SPOCD1: variants seen among roughly 807,000 people sequenced by gnomAD.
SPOCD1 encodes the protein SPOC domain containing 1.
Under a neutral mutation model 92.2 loss-of-function variants are expected in SPOCD1, and 64 were observed. The observed-to-expected ratio is 0.69, with a 90% CI of 0.57 to 0.86. The LOEUF (loss-of-function observed/expected upper bound fraction) is 0.86, where lower values mean the gene tolerates loss of function less well. SPOCD1 is among the 40% of genes least tolerant of loss of function. The pLI, the probability that SPOCD1 is intolerant of heterozygous loss-of-function variation, is 0.00. For synonymous variants in SPOCD1, 578 were observed against 619.3 expected, an observed-to-expected ratio of 0.93 and a Z score of 0.99; for missense variants, 1,360 against 1,543.1, an observed-to-expected ratio of 0.88 and a Z score of 1.99.
At chr1:31,799,139 C>T (rs1376733337) in intron 7 of SPOCD1, among the ~76,000 whole-genome samples, 3 of 152,160 alleles carry the variant, frequency 2.0e-5, no homozygotes, top group Admixed American at 6.5e-5. Flanking sequence ...GCATTTGCTG[C>T]GGGTGACATT....
chr1:31,800,305 G>T, intron 4 of SPOCD1, 136 bp downstream of exon 4: 1 of 1,420,762 alleles, frequency 7.0e-7, no homozygotes, highest in South Asian at 1.4e-5. Context: ...GCAGGCTGGG[G>T]CCGAACCCTG....
Position 31,800,564 on chromosome 1 carries a change from T to G in SPOCD1, c.1479A>C (p.Ala493=). ...QLLGAISHGQ[A]GGQLPPKLEV... The stretch of plus-strand genomic sequence containing the variant: ...CCAGCTTTGGTGGCAGCTGCCCCCC[T>G]GCCTGGCCGTGGCTGATGGCCCCCA... Residue 493 remains alanine, a synonymous_variant, in exon 4 of 16, where the codon GCA becomes GCC. Transcript: ENST00000360482. 3 of 1,610,466 alleles carry G rather than the reference T, an allele frequency of 1.9e-6. No individual in the cohort carries two copies. Among genetic ancestry groups the G allele is most frequent in the East Asian group, 2.2e-5 (1 of 44,814 alleles).
chr1:31,814,011 GCTT>G lies in SPOCD1; in HGVS notation c.1320_1322del (p.Arg440del), dbSNP rs1649367501. The G allele has an allele frequency of 6.2e-7, 1 of 1,606,264 alleles. No individual in the cohort carries two copies. Among genetic ancestry groups the G allele is most frequent in the East Asian group, 2.2e-5 (1 of 44,722 alleles). On this transcript the variant is annotated inframe_deletion, in exon 2 of 16. Coordinates refer to ENST00000360482, the MANE Select transcript of SPOCD1 (RefSeq NM_144569.7). The surrounding 1 kb of genome is among the most constrained non-coding windows in gnomAD (Gnocchi z 4.2). ...GCCTGTCCTGGTGGGAGTTGTCTGA[GCTT>G]CTGTCTGTGCCCCGGTCTTGGGCAC...
Position 31,798,835 on chromosome 1 carries a change from C to G in SPOCD1, c.1869-234G>C, listed in dbSNP as rs972328974. 7 of 589,956 alleles carry G rather than the reference C, an allele frequency of 1.2e-5. No individual in the cohort carries two copies. The highest frequency in any genetic ancestry group is 1.8e-5 in the Non-Finnish European group (6 of 333,114). 36.5% of individuals were successfully genotyped at this position (589,956 alleles called of 1,614,324 possible). ...TCAGGGAAAATAAGAGGCTTACTCA[C>G]AACTGTGTAATTAGTGGCAAAAGCA... On this transcript the variant is annotated intron_variant, in intron 7 of 15. Coordinates refer to ENST00000360482, the MANE Select transcript of SPOCD1 (RefSeq NM_144569.7). This position sits in a 1 kb window ranked among gnomAD's most constrained non-coding sequence, Gnocchi z 4.1.
rs755763481 is a variant in SPOCD1, at chr1:31,813,934, T to C, written c.1383+17A>G. The C allele has an allele frequency of 6.7e-7, 1 of 1,482,366 alleles. No individual in the cohort carries two copies. The highest frequency in any genetic ancestry group is 9.0e-7 in the Non-Finnish European group (1 of 1,112,800). The allele number at this position is 1,482,366 out of a possible 1,614,324, so 91.8% of individuals were successfully genotyped here. A position where few individuals can be genotyped will look rare whatever the true frequency, so the allele number is the denominator to read the frequency against. On this transcript the variant is annotated intron_variant, in intron 2 of 15. Transcript: ENST00000360482. ...TGGCCAGGCCCTTCCTATCCCAAAC[T>C]CTCAGACTCAGCTCACCAGTCTGGG...
intron 3 of SPOCD1, 103 bp downstream of exon 3, chr1:31,801,560 TG>T: frequency 2.0e-6 from 2 of 1,018,478 alleles, no homozygotes; most frequent in Non-Finnish European, 3.1e-6. Flanking sequence ...GAGGGCAGGC[TG>T]GGTGGGGGTA....
At position 31,790,450 on chromosome 1, in the gene SPOCD1, C is replaced by CA; in HGVS notation, c.*152dup. The CA allele has an allele frequency of 1.3e-6, 1 of 747,488 alleles. No individual in the cohort carries two copies. The highest frequency in any genetic ancestry group is 3.0e-5 in the Admixed American group (1 of 33,406). The allele number at this position is 747,488 out of a possible 1,614,324, so 46.3% of individuals were successfully genotyped here. A position where few individuals can be genotyped will look rare whatever the true frequency, so the allele number is the denominator to read the frequency against. ...CAATTTTACCAAATTCTTTATTGAA[C>CA]AAAAAATCAACAGCAAACATTGTCA... On this transcript the variant is annotated 3_prime_UTR_variant, in exon 16 of 16. Coordinates refer to ENST00000360482, the MANE Select transcript of SPOCD1 (RefSeq NM_144569.7).
chr1:31,814,041 G>C lies in SPOCD1; in HGVS notation c.1293C>G (p.Pro431=), dbSNP rs1649372089. ...GTKNLKKGPV[P]CAQDRGTDRS... ...TGTCTGTGCCCCGGTCTTGGGCACA[G>C]GGCACTGGACCTTTCTTCAGGTTCT... is the stretch of plus-strand genomic sequence containing the variant. Residue 431 remains proline (P), a synonymous_variant, in exon 2 of 16, where the codon CCC becomes CCG. Coordinates refer to ENST00000360482, the MANE Select transcript of SPOCD1 (RefSeq NM_144569.7). This position sits in a 1 kb window ranked among gnomAD's most constrained non-coding sequence, Gnocchi z 4.2. 6.2e-7 allele frequency: 1 copy of C among 1,612,790 alleles called. No individual in the cohort carries two copies. Among genetic ancestry groups the C allele is most frequent in the African/African-American group, 1.3e-5 (1 of 75,060 alleles).
rs1647667007 is a variant in SPOCD1, at chr1:31,792,413, G to A, written c.2776-12C>T. ...ACCACGCAGACGTCCTGCGGTGGCA[G>A]GAGGAGAGCAGCTGTAAGCGCAGTC... On this transcript the variant is annotated splice_polypyrimidine_tract_variant and intron_variant, in intron 14 of 15. Coordinates refer to ENST00000360482, the MANE Select transcript of SPOCD1 (RefSeq NM_144569.7). 6.2e-7 allele frequency: 1 copy of A among 1,611,940 alleles called. No homozygotes were observed. Among genetic ancestry groups the A allele is most frequent in the Admixed American group, 1.7e-5 (1 of 59,870 alleles).
chr1:31,793,955 C>T (rs1647808164), intron 11 of SPOCD1, 58 bp from the exon 12 acceptor site: 2 of 1,573,006 alleles, frequency 1.3e-6, no homozygotes, highest in Admixed American at 1.8e-5. Flanking sequence ...GAAGCCAGCC[C>T]AGGGCTTTAG....
intron 2 of SPOCD1, among the ~76,000 whole-genome samples, chr1:31,804,711 T>C (rs1440308727): frequency 6.6e-6 from 1 of 151,998 alleles, no homozygotes; most frequent in African/African-American, 2.4e-5. Flanking sequence ...AGGAAGAATT[T>C]TGAGCAAAGA....
At position 31,791,220 on chromosome 1, in the gene SPOCD1, C is replaced by T; in HGVS notation, c.3034G>A (p.Ala1012Thr). The change falls in exon 16 of 16, where the codon GCT (alanine) becomes ACT (threonine). Residue 1012 changes from alanine (A) to threonine (T), a missense_variant. Coordinates refer to ENST00000360482, the MANE Select transcript of SPOCD1 (RefSeq NM_144569.7). ...LEVTHSSLLL[A>T]VLLPKEGLPD... is the part of the protein sequence containing the mutation. The stretch of plus-strand genomic sequence containing the variant: ...AGCCCTTCCTTGGGGAGCAGCACAG[C>T]CAGCAACAGACTTGAGTGAGTGACC... The T allele has an allele frequency of 6.2e-7, 1 of 1,601,998 alleles. No homozygotes were observed. Among genetic ancestry groups the T allele is most frequent in the Non-Finnish European group, 8.5e-7 (1 of 1,173,234 alleles).
chr1:31,805,828 G>A (rs551299491), intron 2 of SPOCD1, among the ~76,000 whole-genome samples: 98 of 152,142 alleles, frequency 6.4e-4, no homozygotes, highest in African/African-American at 2.3e-3. Context: ...AAAATTATCA[G>A]ACCTTTAAGG....
Position 31,814,214 on chromosome 1 carries a change from C to A in SPOCD1, c.1120G>T (p.Gly374Ter), listed in dbSNP as rs747601477. The A allele has an allele frequency of 7.6e-6, 12 of 1,579,498 alleles. No individual in the cohort carries two copies. In the South Asian group the frequency reaches 1.4e-4, roughly 18 times the overall value. Residue 374 changes from glycine to a stop codon, truncating the protein, a stop_gained, in exon 2 of 16, where the codon GGA becomes TGA. Transcript: ENST00000360482. LOFTEE classifies it high-confidence loss of function. The surrounding 1 kb of genome is among the most constrained non-coding windows in gnomAD (Gnocchi z 4.2). ...LEAKAQPASR[G>*]RLEQGLAAPA... Reference sequence around the variant, plus strand: ...GCAGCGAGTCCTTGCTCCAGCCTTCCCCTGGAAGCTGGCTGAGCCTTGGCC... The same window carrying A: ...GCAGCGAGTCCTTGCTCCAGCCTTCACCTGGAAGCTGGCTGAGCCTTGGCC...
chr1:31,809,720 G>C (rs1649076014), intron 2 of SPOCD1, among the ~76,000 whole-genome samples: 1 of 152,154 alleles, frequency 6.6e-6, no homozygotes, highest in Non-Finnish European at 1.5e-5. Context: ...CTACCTCATG[G>C]TGTTGGGGCA....
rs200993249 is a variant in SPOCD1, at chr1:31,796,583, A to G, written c.2271+7T>C. The G allele has an allele frequency of 8.1e-6, 13 of 1,614,102 alleles. No homozygotes were observed. The highest frequency in any genetic ancestry group is 1.1e-5 in the Non-Finnish European group (13 of 1,180,052). On this transcript the variant is annotated splice_region_variant and intron_variant, in intron 10 of 15. Coordinates refer to ENST00000360482, the MANE Select transcript of SPOCD1 (RefSeq NM_144569.7). ...CTGCCCAGCACCAGGTCAGGCTCCA[A>G]CTTAACCACCAGATCCTCCAGGGTC...
intron 2 of SPOCD1, among the ~76,000 whole-genome samples, chr1:31,807,904 T>A (rs1648941662): frequency 6.6e-6 from 1 of 152,170 alleles, no homozygotes; most frequent in Non-Finnish European, 1.5e-5. Flanking sequence ...AACAAATAGA[T>A]ATCTAGAAAA....
intron 15 of SPOCD1, among the ~76,000 whole-genome samples, chr1:31,791,531 G>T (rs1286708127): frequency 3.9e-5 from 6 of 152,198 alleles, no homozygotes; most frequent in African/African-American, 1.4e-4. Flanking sequence ...CTCAGGACAT[G>T]GAGCCCCAAA....
At chr1:31,809,864 G>A (rs1406728160) in intron 2 of SPOCD1, among the ~76,000 whole-genome samples, 1 of 152,078 alleles carries the variant, frequency 6.6e-6, no homozygotes, top group Non-Finnish European at 1.5e-5. Context: ...CGACCACCCT[G>A]CAGGCTCTCC....
Sources: gnomAD v4.1 joint callset for allele counts (sites outside exome capture counted in the v4.1 genomes callset) on GRCh38, gnomAD v4.1.1 for gene constraint, Gnocchi (gnomAD v3.1) non-coding constraint, MANE v1.5 for transcripts, NCBI Gene and HGNC (gene_info 2026-07-23, HGNC 2026-07-21) for gene names.